SOX30: variants seen among roughly 807,000 people sequenced by gnomAD.
SOX30 encodes transcription factor SOX-30.
In SOX30, 17 loss-of-function variants were observed where a neutral mutation model predicts 58.6. The observed-to-expected ratio is 0.29, with a 90% CI of 0.20 to 0.44. The LOEUF (loss-of-function observed/expected upper bound fraction) is 0.44, where lower values mean the gene tolerates loss of function less well. SOX30 is among the 20% of genes least tolerant of loss of function. The probability of loss-of-function intolerance (pLI) is 1.00; values close to 1 mark genes in which losing one functional copy is unlikely to be tolerated. For missense variants in SOX30, 951 were observed against 965.8 expected (o/e 0.98, Z 0.20); for synonymous variants, 421 against 400.2 (o/e 1.05, Z -0.62).
At chr5:157,655,173 T>C (rs1759448519), upstream of SOX30, among the ~76,000 whole-genome samples, 1 of 152,094 alleles carries the variant, frequency 6.6e-6, no homozygotes, top group African/African-American at 2.4e-5. Flanking sequence ...CTGGCAACTA[T>C]GGAATGGACT....
intron 2 of SOX30, among the ~76,000 whole-genome samples, chr5:157,664,016 A>G (rs1260556191): frequency 6.6e-6 from 1 of 151,008 alleles, no homozygotes; most frequent in East Asian, 1.9e-4. Context: ...GAAAATGGCC[A>G]TACTGCCCAA....
At chr5:157,632,578 C>A (rs1351145319) in intron 4 of SOX30, among the ~76,000 whole-genome samples, 1 of 151,998 alleles carries the variant, frequency 6.6e-6, no homozygotes, top group Non-Finnish European at 1.5e-5. Flanking sequence ...GCATTACACT[C>A]CAGCCTGGGC....
In SOX30 at chr5:157,652,063, G is replaced by A. The variant is rs1759367703; in HGVS notation, c.16C>T (p.Pro6Ser). The part of the protein sequence containing the change: MERAR[P>S]EPPPQPRPLR... The stretch of plus-strand genomic sequence containing the variant: ...GGGCGCGGCTGAGGCGGCGGCTCGG[G>A]TCTGGCTCTCTCCATGGGGGAGGGG... Residue 6 changes from proline (P) to serine (S), a missense_variant, in exon 1 of 5, where the codon CCC becomes TCC. Transcript: ENST00000265007. 1.4e-6 allele frequency: 2 copies of A among 1,419,542 alleles called. No individual in the cohort carries two copies. The highest frequency in any genetic ancestry group is 2.7e-5 in the East Asian group (1 of 36,958). 87.9% of individuals were successfully genotyped at this position (1,419,542 alleles called of 1,614,324 possible).
intron 4 of SOX30, 140 bp from the exon 5 acceptor site, chr5:157,626,861 T>C: frequency 1.1e-6 from 1 of 879,082 alleles, no homozygotes; most frequent in South Asian, 2.0e-5. Flanking sequence ...TCCTCTGCTC[T>C]TTTCCCACTG....
At chr5:157,647,262 C>T (rs1220126547) in intron 2 of SOX30, among the ~76,000 whole-genome samples, 4 of 152,020 alleles carry the variant, frequency 2.6e-5, no homozygotes, top group African/African-American at 4.8e-5. Flanking sequence ...GGGGTTTCTC[C>T]GTGTTGGCCA....
intron 1 of SOX30, among the ~76,000 whole-genome samples, chr5:157,650,002 C>T (rs1289071711): frequency 6.6e-6 from 1 of 152,076 alleles, no homozygotes; most frequent in Non-Finnish European, 1.5e-5. Flanking sequence ...ACTGCTTCAT[C>T]CCAGGAGTTC....
chr5:157,662,449 CCTTT>C (rs1479119155), intron 2 of SOX30, among the ~76,000 whole-genome samples: 1 of 151,926 alleles, frequency 6.6e-6, no homozygotes, highest in Non-Finnish European at 1.5e-5. Flanking sequence ...TTGAAGTCTT[CCTTT>C]CTAATTTTTA....
chr5:157,667,657 T>G, intron 2 of SOX30: 1 of 1,179,210 alleles, frequency 8.5e-7, no homozygotes, highest in Non-Finnish European at 1.1e-6. Flanking sequence ...GAGAACCACT[T>G]GAACCCAGGT....
intron 2 of SOX30, among the ~76,000 whole-genome samples, chr5:157,647,411 C>T (rs1334231159): frequency 6.6e-6 from 1 of 152,082 alleles, no homozygotes; most frequent in Non-Finnish European, 1.5e-5. Flanking sequence ...GTAGTAGAGT[C>T]AACATCAAAA....
At chr5:157,666,211 G>A (rs1452333331) in intron 2 of SOX30, among the ~76,000 whole-genome samples, 15 of 152,068 alleles carry the variant, frequency 9.9e-5, no homozygotes, top group Non-Finnish European at 2.9e-5. Context: ...CTGGAGCACA[G>A]TGGAAAAATC....
intron 4 of SOX30, among the ~76,000 whole-genome samples, chr5:157,629,463 C>T (rs1337802892): frequency 6.6e-6 from 1 of 152,040 alleles, no homozygotes; most frequent in African/African-American, 2.4e-5. Flanking sequence ...GTCTATAACG[C>T]CAGCATTATA....
intron 2 of SOX30, among the ~76,000 whole-genome samples, chr5:157,665,369 G>T (rs1328407919): frequency 6.6e-6 from 1 of 152,128 alleles, no homozygotes; most frequent in African/African-American, 2.4e-5. Context: ...AACATCGCAT[G>T]TTTTCACTCA....
intron 4 of SOX30, among the ~76,000 whole-genome samples, chr5:157,627,357 G>A (rs186597068): frequency 1.3e-3 from 190 of 151,954 alleles, no homozygotes; most frequent in African/African-American, 2.7e-3. Flanking sequence ...GTGAGACTCC[G>A]CCTCCAAAAA....
upstream of SOX30, among the ~76,000 whole-genome samples, chr5:157,653,540 G>T (rs1759412760): frequency 3.9e-5 from 6 of 152,314 alleles, no homozygotes; most frequent in South Asian, 1.2e-3. Context: ...TTACTCTTAT[G>T]CTAGACACTG....
At chr5:157,664,335 A>C (rs1199051012) in intron 2 of SOX30, among the ~76,000 whole-genome samples, 1 of 152,188 alleles carries the variant, frequency 6.6e-6, no homozygotes, top group East Asian at 1.9e-4. Context: ...CAAAAACTAG[A>C]AATGGGGAAA....
intron 4 of SOX30, among the ~76,000 whole-genome samples, chr5:157,633,867 T>C (rs1758866435): frequency 6.6e-6 from 1 of 152,180 alleles, no homozygotes; most frequent in South Asian, 2.1e-4. Flanking sequence ...CCTACTTACA[T>C]AGATTTTAAA....
chr5:157,643,612 T>C (rs564036860), intron 3 of SOX30, among the ~76,000 whole-genome samples: 292 of 152,160 alleles, frequency 1.9e-3, no homozygotes, highest in Non-Finnish European at 2.2e-3. Context: ...ACACCTGAAA[T>C]GGTGGTGAAA....
At chr5:157,659,367 C>T (rs958572618) in intron 2 of SOX30, among the ~76,000 whole-genome samples, 4 of 152,154 alleles carry the variant, frequency 2.6e-5, no homozygotes, top group Non-Finnish European at 5.9e-5. Context: ...TTTCTGGTGA[C>T]CATGGAATGG....
chr5:157,629,928 T>A (rs186286772), intron 4 of SOX30, among the ~76,000 whole-genome samples: 1 of 152,194 alleles, frequency 6.6e-6, no homozygotes, highest in African/African-American at 2.4e-5. Flanking sequence ...CACATAAGAA[T>A]CTGGTAAACT....
Sources: gnomAD v4.1 joint callset for allele counts (sites outside exome capture counted in the v4.1 genomes callset) on GRCh38, gnomAD v4.1.1 for gene constraint, MANE v1.5 for transcripts, NCBI Gene and HGNC (gene_info 2026-07-23, HGNC 2026-07-21) for gene names.